Variants in CDH20 observed in about 807,000 individuals in gnomAD.
CDH20 encodes cadherin 20, also known as cadherin-20.
CDH20 carries 29 observed loss-of-function variants against 74.2 expected under a neutral mutation model. The observed-to-expected ratio is 0.39, with a 90% CI of 0.29 to 0.53. The LOEUF (loss-of-function observed/expected upper bound fraction) is 0.53, where lower values mean the gene tolerates loss of function less well. CDH20 is among the 20% of genes least tolerant of loss of function. The pLI is 0.69. For missense variants in CDH20, 988 were observed against 1,048.3 expected (o/e 0.94, Z 0.79); for synonymous variants, 469 against 405.4 (o/e 1.16, Z -1.88).
intron 1 of CDH20, among the ~76,000 whole-genome samples, chr18:61,475,902 G>GA (rs202169079): frequency 0.013 from 1,913 of 152,204 alleles, 44 homozygotes; most frequent in African/African-American, 0.044. Flanking sequence ...TTTTTAAATA[G>GA]AAAATAACTT....
chr18:61,348,105 T>TG (rs1344082200), intron 1 of CDH20, among the ~76,000 whole-genome samples: 10 of 152,028 alleles, frequency 6.6e-5, no homozygotes, highest in South Asian at 2.1e-4. Context: ...TTTCATTTTT[T>TG]TGGGGGGGTG....
At chr18:61,376,657 C>T (rs916224933) in intron 1 of CDH20, among the ~76,000 whole-genome samples, 1 of 151,998 alleles carries the variant, frequency 6.6e-6, no homozygotes, top group Non-Finnish European at 1.5e-5. Flanking sequence ...AAGCCCTAAA[C>T]TTTGATGGGA....
chr18:61,512,495 T>C (rs1218472532), intron 6 of CDH20, among the ~76,000 whole-genome samples: 1 of 152,188 alleles, frequency 6.6e-6, no homozygotes, highest in East Asian at 1.9e-4. Context: ...ATTTAAATAA[T>C]ACAATACTTT....
At chr18:61,408,112 C>T (rs1245060650) in intron 1 of CDH20, among the ~76,000 whole-genome samples, 1 of 151,678 alleles carries the variant, frequency 6.6e-6, no homozygotes, top group African/African-American at 2.4e-5. Flanking sequence ...AGCGAAAGAG[C>T]TTTAAAAGCA....
intron 1 of CDH20, among the ~76,000 whole-genome samples, chr18:61,481,638 T>C (rs1910592720): frequency 6.6e-6 from 1 of 152,200 alleles, no homozygotes; most frequent in South Asian, 2.1e-4. Context: ...ATTGCCCCTT[T>C]CTTTTGTTTT....
intron 4 of CDH20, 101 bp downstream of exon 4, chr18:61,500,603 G>A (rs17068404): frequency 0.021 from 27,586 of 1,293,362 alleles, 1,066 homozygotes; most frequent in East Asian, 0.12. Context: ...TCTCCAGGGA[G>A]TGTATTAACC....
chr18:61,355,584 T>G (rs1447834021), intron 1 of CDH20, among the ~76,000 whole-genome samples: 1 of 152,244 alleles, frequency 6.6e-6, no homozygotes, highest in Admixed American at 6.5e-5. Context: ...AACTATTACT[T>G]GCCATTCATC....
At chr18:61,387,571 C>T (rs1419559071) in intron 1 of CDH20, among the ~76,000 whole-genome samples, 1 of 152,166 alleles carries the variant, frequency 6.6e-6, no homozygotes. Context: ...GATAAGGACG[C>T]ATGTGATTTA....
At chr18:61,467,371 G>T (rs898038878) in intron 1 of CDH20, among the ~76,000 whole-genome samples, 6 of 151,964 alleles carry the variant, frequency 3.9e-5, no homozygotes, top group Non-Finnish European at 7.4e-5. Flanking sequence ...GGTGTTTGGG[G>T]TTTTTTTCCC....
chr18:61,525,918 C>T (rs943748266), intron 6 of CDH20, among the ~76,000 whole-genome samples: 2 of 151,492 alleles, frequency 1.3e-5, no homozygotes, highest in Admixed American at 1.3e-4. Flanking sequence ...CTGCCTCTGC[C>T]TCCCAAGTAG....
intron 10 of CDH20, among the ~76,000 whole-genome samples, chr18:61,546,240 G>A (rs557365813): frequency 3.9e-5 from 6 of 152,226 alleles, no homozygotes; most frequent in South Asian, 2.1e-4. Flanking sequence ...GGTTAGGCAC[G>A]CCTGGTTTTA....
intron 6 of CDH20, among the ~76,000 whole-genome samples, chr18:61,519,291 G>C (rs679785): frequency 0.81 from 122,376 of 150,514 alleles, 50,755 homozygotes; most frequent in South Asian, 0.88. Context: ...GATACTCCTC[G>C]AGAAGAGCAA....
At chr18:61,530,511 C>A (rs1030855472) in intron 7 of CDH20, among the ~76,000 whole-genome samples, 2 of 151,906 alleles carry the variant, frequency 1.3e-5, no homozygotes, top group Admixed American at 1.3e-4. Context: ...TCAAATAATT[C>A]AAAAAATCAA....
chr18:61,513,074 C>T (rs1158953941), intron 6 of CDH20, among the ~76,000 whole-genome samples: 1 of 151,432 alleles, frequency 6.6e-6, no homozygotes, highest in Non-Finnish European at 1.5e-5. Flanking sequence ...CTTTCTGTCT[C>T]GTTGATCTGT....
At chr18:61,336,389 C>A (rs574650134) in intron 1 of CDH20, among the ~76,000 whole-genome samples, 1 of 152,178 alleles carries the variant, frequency 6.6e-6, no homozygotes, top group African/African-American at 2.4e-5. Flanking sequence ...TTACCATCTC[C>A]AAGAGACTCA....
At chr18:61,347,948 C>A (rs1910187399) in intron 1 of CDH20, among the ~76,000 whole-genome samples, 1 of 152,122 alleles carries the variant, frequency 6.6e-6, no homozygotes, top group South Asian at 2.1e-4. Flanking sequence ...ATAAAGAACT[C>A]AAACATAGTT....
At chr18:61,338,168 T>C (rs1306833670) in intron 1 of CDH20, among the ~76,000 whole-genome samples, 3 of 152,214 alleles carry the variant, frequency 2.0e-5, no homozygotes, top group Non-Finnish European at 4.4e-5. Context: ...GCATAAGTAG[T>C]ACAAAATTAT....
intron 1 of CDH20, among the ~76,000 whole-genome samples, chr18:61,477,145 G>C (rs1295159730): frequency 6.6e-6 from 1 of 152,152 alleles, no homozygotes; most frequent in African/African-American, 2.4e-5. Context: ...GATATAATTA[G>C]AGGCAGGTTG....
chr18:61,378,705 T>A (rs1911331704), intron 1 of CDH20, among the ~76,000 whole-genome samples: 1 of 152,226 alleles, frequency 6.6e-6, no homozygotes, highest in South Asian at 2.1e-4. Context: ...ACTATTCTTT[T>A]TGTCTTAGTA....
Sources: allele counts gnomAD v4.1 joint callset (sites outside exome capture counted in the v4.1 genomes callset), GRCh38; gene constraint gnomAD v4.1.1; transcripts MANE v1.5; gene names NCBI Gene and HGNC (gene_info 2026-07-23, HGNC 2026-07-21).